SLC34A1: variants seen among roughly 807,000 people sequenced by gnomAD.
SLC34A1 encodes solute carrier family 34 member 1.
Under a neutral mutation model 51.4 loss-of-function variants are expected in SLC34A1, and 57 were observed. The ratio of observed to expected loss-of-function variants is 1.11; its 90% CI spans 0.90 to 1.38. The LOEUF (loss-of-function observed/expected upper bound fraction) is 1.38. SLC34A1 is among the 40% of genes most tolerant of loss of function. SLC34A1 has a pLI of 0.00. For missense variants in SLC34A1, 796 were observed against 835.6 expected (o/e 0.95, Z 0.58); for synonymous variants, 368 against 358.0 (o/e 1.03, Z -0.32).
At chr5:177,389,773 A>G in intron 8 of SLC34A1, 1 of 1,536,770 alleles carries the variant, frequency 6.5e-7, no homozygotes, top group South Asian at 1.2e-5. Context: ...CTCAACCAGC[A>G]GCCTCCACGT....
intron 10 of SLC34A1, among the ~76,000 whole-genome samples, chr5:177,395,833 C>T (rs1238862955): frequency 6.6e-6 from 1 of 152,152 alleles, no homozygotes; most frequent in Non-Finnish European, 1.5e-5. Context: ...AGGGTTTTGC[C>T]ATGTTGGCTA....
At position 177,388,340 on chromosome 5, in the gene SLC34A1, A is replaced by T; in HGVS notation, c.904A>T (p.Ile302Phe). 6.2e-7 allele frequency: 1 copy of T among 1,614,208 alleles called. No individual in the cohort carries two copies. The highest frequency in any genetic ancestry group is 8.5e-7 in the Non-Finnish European group (1 of 1,180,040). The change falls in exon 8 of 13, where the codon ATC becomes TTC. Residue 302 changes from isoleucine (I) to phenylalanine (F), a missense_variant. Physicochemically the swap from Ile to Phe is conservative, Grantham distance 21. Coordinates refer to ENST00000324417, the MANE Select transcript of SLC34A1 (RefSeq NM_003052.5). This position sits in a 1 kb window ranked among gnomAD's most constrained non-coding sequence, Gnocchi z 4.3. ...TGAGTCCCTGAGGAACCACAGTCTC[A>T]TCCAGATCTGGTGCCACCCAGACTC... is the stretch of plus-strand genomic sequence containing the variant. ...GDESLRNHSL[I>F]QIWCHPDSLQ...
chr5:177,396,405 CGT>C lies in SLC34A1; in HGVS notation c.1175-327_1175-326del, dbSNP rs1762956023. 6.6e-6 allele frequency among the ~76,000 whole-genome samples: 1 copy of C among 152,068 alleles called. No homozygotes were observed. The highest frequency in any genetic ancestry group is 2.1e-4 in the South Asian group (1 of 4,816). ...AGTGGGAGCAAACCCCCATGGAGGT[CGT>C]CTCTCCCAGTGCCCCCGCGGAGATC... On this transcript the variant is annotated intron_variant, in intron 10 of 12. Coordinates refer to ENST00000324417, the MANE Select transcript of SLC34A1 (RefSeq NM_003052.5). The surrounding 1 kb of genome is among the most constrained non-coding windows in gnomAD (Gnocchi z 4.0).
In SLC34A1 at chr5:177,398,020, C is replaced by A. The variant is rs778171167; in HGVS notation, c.1654C>A (p.Leu552Met). The A allele has an allele frequency of 3.8e-5, 61 of 1,614,126 alleles. No homozygotes were observed. The East Asian group carries it at 1.1e-3, about 28-fold the overall frequency. The stretch of plus-strand genomic sequence containing the variant: ...TGTGGGCACGCCCTTCGGGGCCCTG[C>A]TGGCCTTCGTGGTGCTCATCAATGT... Reference protein sequence around the residue: ...VGVGTPFGALLAFVVLINVLQ... With the variant: ...VGVGTPFGALMAFVVLINVLQ... Residue 552 changes from leucine (L) to methionine (M), a missense_variant, in exon 13 of 13, where the codon CTG (leucine) becomes ATG (methionine). By Grantham distance (15) the Leu-to-Met change is conservative (BLOSUM62 2). Coordinates refer to ENST00000324417, the MANE Select transcript of SLC34A1 (RefSeq NM_003052.5). The surrounding 1 kb of genome is among the most constrained non-coding windows in gnomAD (Gnocchi z 4.7).
At chr5:177,395,620 T>C (rs1762931624) in intron 10 of SLC34A1, among the ~76,000 whole-genome samples, 1 of 152,026 alleles carries the variant, frequency 6.6e-6, no homozygotes, top group South Asian at 2.1e-4. Flanking sequence ...AGCAACACCA[T>C]TTGATTTTCA....
Position 177,397,998 on chromosome 5 carries a change from G to A in SLC34A1, c.1632G>A (p.Val544=), listed in dbSNP as rs1325191597. Residue 544 remains valine (V), a synonymous_variant, in exon 13 of 13, where the codon GTG becomes GTA. Coordinates refer to ENST00000324417, the MANE Select transcript of SLC34A1 (RefSeq NM_003052.5). The part of the protein sequence containing the change: ...SMAGWQVMVG[V]GTPFGALLAF... ...CAGGCTGGCAGGTCATGGTAGGTGT[G>A]GGCACGCCCTTCGGGGCCCTGCTGG... The A allele has an allele frequency of 1.2e-5, 19 of 1,614,100 alleles. No individual in the cohort carries two copies. The highest frequency in any genetic ancestry group is 1.4e-5 in the Non-Finnish European group (17 of 1,180,016).
Position 177,388,431 on chromosome 5 carries a change from T to G in SLC34A1, c.936+59T>G. ...TCCCTCTTCAGACTCTTGGTTTCAT[T>G]GTCTGTTCAAAATGCTCCAGATAGA... On this transcript the variant is annotated intron_variant, in intron 8 of 12. Transcript: ENST00000324417. The surrounding 1 kb of genome is among the most constrained non-coding windows in gnomAD (Gnocchi z 4.3). The G allele has an allele frequency of 7.1e-7, 1 of 1,411,894 alleles. No homozygotes were observed. The allele number at this position is 1,411,894 out of a possible 1,614,324, so 87.5% of individuals were successfully genotyped here.
At position 177,398,483 on chromosome 5, in the gene SLC34A1, C is replaced by G. The variant is rs1763044457; in HGVS notation, c.*197C>G. 1.5e-6 allele frequency: 1 copy of G among 679,762 alleles called. No individual in the cohort carries two copies. Among genetic ancestry groups the G allele is most frequent in the Admixed American group, 2.1e-5 (1 of 47,182 alleles). 42.1% of individuals were successfully genotyped at this position (679,762 alleles called of 1,614,324 possible). A position where few individuals can be genotyped will look rare whatever the true frequency, so the allele number is the denominator to read the frequency against. ...TGTGGGGGTGAGTCTGCATGTGCAC[C>G]TGTCATGTGTAGAAGCTTGTATTTG... On this transcript the variant is annotated 3_prime_UTR_variant, in exon 13 of 13. Transcript: ENST00000324417. The surrounding 1 kb of genome is among the most constrained non-coding windows in gnomAD (Gnocchi z 4.7).
At chr5:177,389,792 G>T in intron 8 of SLC34A1, 2 of 1,533,680 alleles carry the variant, frequency 1.3e-6, no homozygotes, top group East Asian at 4.9e-5. Context: ...GTCCTCACTT[G>T]AAGTCATCCT....
intron 8 of SLC34A1, chr5:177,390,252 A>G: frequency 5.0e-6 from 5 of 991,130 alleles, no homozygotes; most frequent in Non-Finnish European, 6.0e-6. Context: ...AAGCAGCAGC[A>G]GCGGCAGTTG....
intron 12 of SLC34A1, chr5:177,397,507 G>A (rs374427802): frequency 1.1e-5 from 6 of 563,636 alleles, no homozygotes; most frequent in Non-Finnish European, 1.9e-5. Flanking sequence ...GATTTTGGCA[G>A]TATCTGCTGG....
At chr5:177,384,899 A>G (rs1354911993) in intron 1 of SLC34A1, among the ~76,000 whole-genome samples, 1 of 150,268 alleles carries the variant, frequency 6.7e-6, no homozygotes, top group Non-Finnish European at 1.5e-5. Flanking sequence ...CTCCTTCAGG[A>G]CTTGAATTCA....
chr5:177,385,549 C>CGTGTGAGTCTCGGAGGGGTGT (rs1762531352), intron 1 of SLC34A1, 146 bp from the exon 2 acceptor site: 1 of 645,620 alleles, frequency 1.5e-6, no homozygotes, highest in Non-Finnish European at 2.8e-6. Flanking sequence ...TGTGTTTGTG[C>CGTGTGAGTCTCGGAGGGGTGT]GTGTGAGTCT....
chr5:177,392,098 G>A (rs1206500824), intron 8 of SLC34A1, among the ~76,000 whole-genome samples: 1 of 152,186 alleles, frequency 6.6e-6, no homozygotes, highest in African/African-American at 2.4e-5. Flanking sequence ...GAGCACAGAA[G>A]AGCACATTGC....
intron 10 of SLC34A1, 25 bp downstream of exon 10, chr5:177,394,220 C>T: frequency 1.5e-5 from 25 of 1,612,980 alleles, no homozygotes; most frequent in Non-Finnish European, 2.1e-5. Context: ...GTTGACTGGG[C>T]AGGGCCACAG....
rs1762591103 is a variant in SLC34A1, at chr5:177,386,773, G to A, written c.532+207G>A. 6.6e-6 allele frequency among the ~76,000 whole-genome samples: 1 copy of A among 152,132 alleles called. No individual in the cohort carries two copies. On this transcript the variant is annotated intron_variant, in intron 5 of 12. Coordinates refer to ENST00000324417, the MANE Select transcript of SLC34A1 (RefSeq NM_003052.5). The surrounding 1 kb of genome is among the most constrained non-coding windows in gnomAD (Gnocchi z 4.8). The stretch of plus-strand genomic sequence containing the variant: ...GAACTGGCTTCCCCGATGGTAGTTT[G>A]TCTGGGCAAGTCAGGAATCCGTAGG...
chr5:177,393,786 G>A, intron 9 of SLC34A1, 23 bp downstream of exon 9: 3 of 1,613,026 alleles, frequency 1.9e-6, no homozygotes, highest in South Asian at 2.2e-5. Context: ...AACATGGGAG[G>A]TGTCCTGCAT....
Position 177,386,311 on chromosome 5 carries a change from C to T in SLC34A1, c.350C>T (p.Ser117Phe). 1 of 1,614,258 alleles carries T rather than the reference C, an allele frequency of 6.2e-7. No homozygotes were observed. Among genetic ancestry groups the T allele is most frequent in the Non-Finnish European group, 8.5e-7 (1 of 1,180,044 alleles). ...ACCTTCCTCTACCTCTTCGTCTGCT[C>T]CCTGGACATGCTCAGCTCGGCCTTC... ...MLTFLYLFVC[S>F]LDMLSSAFQL... The change falls in exon 4 of 13, where the codon TCC becomes TTC. Residue 117 changes from serine (S) to phenylalanine (F), a missense_variant. Transcript: ENST00000324417. The surrounding 1 kb of genome is among the most constrained non-coding windows in gnomAD (Gnocchi z 4.8).
At position 177,388,185 on chromosome 5, in the gene SLC34A1, T is replaced by A; in HGVS notation, c.836T>A (p.Ile279Asn). 2 of 1,614,132 alleles carry A rather than the reference T, an allele frequency of 1.2e-6. No individual in the cohort carries two copies. The highest frequency in any genetic ancestry group is 1.7e-6 in the Non-Finnish European group (2 of 1,180,026). ...ACAGAGCCCTTCACGAAGCTCATCA[T>A]CCAGGTGACAGCAGGGCCTGGCATG... ...IITEPFTKLIIQLDESVITSI... is the reference protein window; with the variant it reads ...IITEPFTKLINQLDESVITSI... Residue 279 changes from isoleucine (I) to asparagine (N), a missense_variant, in exon 7 of 13, where the codon ATC becomes AAC. Physicochemically the swap from Ile to Asn is moderately radical, Grantham distance 149. Transcript: ENST00000324417. The surrounding 1 kb of genome is among the most constrained non-coding windows in gnomAD (Gnocchi z 4.3).
Sources: allele counts gnomAD v4.1 joint callset (sites outside exome capture counted in the v4.1 genomes callset), GRCh38; gene constraint gnomAD v4.1.1; non-coding constraint Gnocchi (gnomAD v3.1); transcripts MANE v1.5; gene names NCBI Gene and HGNC (gene_info 2026-07-23, HGNC 2026-07-21).